SORCS3: variants seen among roughly 807,000 people sequenced by gnomAD.
SORCS3 encodes sortilin related VPS10 domain containing receptor 3.
SORCS3 carries 57 observed loss-of-function variants against 146.3 expected under a neutral mutation model. The observed-to-expected ratio is 0.39, with a 90% CI of 0.31 to 0.49. The LOEUF (loss-of-function observed/expected upper bound fraction) is 0.49, where lower values mean the gene tolerates loss of function less well. Ranked by LOEUF, SORCS3 falls within the 20% of genes least tolerant of loss-of-function variation. SORCS3 has a pLI of 0.92. For missense variants in SORCS3, 1,341 were observed against 1,575.5 expected (o/e 0.85, Z 2.52); for synonymous variants, 653 against 618.5 (o/e 1.06, Z -0.83).
At chr10:104,805,176 A>G (rs2017667230) in intron 1 of SORCS3, among the ~76,000 whole-genome samples, 1 of 152,214 alleles carries the variant, frequency 6.6e-6, no homozygotes, top group African/African-American at 2.4e-5. Context: ...AGACATGTAC[A>G]CAAATAACTA....
At chr10:105,173,614 T>TTATCACA (rs2056377725) in intron 13 of SORCS3, among the ~76,000 whole-genome samples, 3 of 152,362 alleles carry the variant, frequency 2.0e-5, no homozygotes, top group Admixed American at 1.3e-4. Flanking sequence ...CTTTGGGTGT[T>TTATCACA]GACAATCCGT....
At chr10:105,039,451 CTTTTT>C (rs920662213) in intron 4 of SORCS3, among the ~76,000 whole-genome samples, 1 of 96,548 alleles carries the variant, frequency 1.0e-5, no homozygotes, top group African/African-American at 4.2e-5. Flanking sequence ...CTCTCGCTCT[CTTTTT>C]TTTTTTTTTT....
At chr10:105,215,822 C>T (rs1020495929) in intron 18 of SORCS3, among the ~76,000 whole-genome samples, 1 of 152,130 alleles carries the variant, frequency 6.6e-6, no homozygotes, top group African/African-American at 2.4e-5. Context: ...ATTCACTGGG[C>T]AGAAGGATTG....
chr10:105,012,426 G>T lies in SORCS3; in HGVS notation c.955-30629G>T, dbSNP rs535698402. On this transcript the variant is annotated intron_variant, in intron 4 of 26. Transcript: ENST00000369701. ...CAAGGTCTTGCCATTTTTTTTTCCT[G>T]GTGAATGTTCTCTTGTCCTGAAGTT... Among the ~76,000 whole-genome samples the T allele has an allele frequency of 2.2e-3, 331 of 151,888 alleles. 2 individuals carry two copies. The highest frequency in any genetic ancestry group is 7.5e-3 in the African/African-American group (310 of 41,470).
chr10:104,913,801 C>T (rs997969606), intron 2 of SORCS3, among the ~76,000 whole-genome samples: 1 of 127,334 alleles, frequency 7.9e-6, no homozygotes, highest in Non-Finnish European at 1.6e-5. Flanking sequence ...GAGACGGAGT[C>T]TCACTGTCAC....
chr10:104,738,757 A>G (rs549423504), intron 1 of SORCS3, among the ~76,000 whole-genome samples: 248 of 152,310 alleles, frequency 1.6e-3, no homozygotes, highest in Middle Eastern at 3.4e-3. Context: ...AGAACAATTC[A>G]TTGTTGAGAA....
At chr10:104,809,535 A>T (rs2017717757) in intron 1 of SORCS3, among the ~76,000 whole-genome samples, 1 of 152,212 alleles carries the variant, frequency 6.6e-6, no homozygotes, top group Non-Finnish European at 1.5e-5. Context: ...CAAAACAAGT[A>T]AAACGCCAAC....
At chr10:104,750,858 C>T (rs531992687) in intron 1 of SORCS3, among the ~76,000 whole-genome samples, 42 of 151,868 alleles carry the variant, frequency 2.8e-4, no homozygotes, top group Non-Finnish European at 5.0e-4. Context: ...ATACAATAAG[C>T]AAAAAAACTC....
At chr10:105,065,439 C>T (rs2055516579) in intron 5 of SORCS3, among the ~76,000 whole-genome samples, 1 of 151,792 alleles carries the variant, frequency 6.6e-6, no homozygotes, top group South Asian at 2.1e-4. Flanking sequence ...ATGAATTCAT[C>T]CCAGGTAACT....
In SORCS3 at chr10:105,242,694, A is replaced by G. The variant is rs1342348119; in HGVS notation, c.2869-2848A>G. ...TTTATATATATTTATATACATTTAT[A>G]TACATTTATATATTTATATATTTAT... On this transcript the variant is annotated intron_variant, in intron 20 of 26. Transcript: ENST00000369701. Among the ~76,000 whole-genome samples the G allele has an allele frequency of 3.8e-5, 4 of 104,716 alleles. No homozygotes were observed. In the East Asian group the frequency reaches 1.3e-3, roughly 33 times the overall value. 68.7% of individuals were successfully genotyped at this position (104,716 alleles called of 152,430 possible). A position where few individuals can be genotyped will look rare whatever the true frequency, so the allele number is the denominator to read the frequency against.
intron 4 of SORCS3, among the ~76,000 whole-genome samples, chr10:105,000,883 T>G (rs2055057015): frequency 6.6e-6 from 1 of 152,188 alleles, no homozygotes; most frequent in Non-Finnish European, 1.5e-5. Context: ...CACCCATCAG[T>G]TCCCAGAACT....
At chr10:104,687,182 C>T (rs942334693) in intron 1 of SORCS3, among the ~76,000 whole-genome samples, 1 of 152,244 alleles carries the variant, frequency 6.6e-6, no homozygotes, top group Non-Finnish European at 1.5e-5. Context: ...CTTACATCCC[C>T]TGTCCACCAA....
chr10:104,990,435 ACT>A (rs1410625776), intron 4 of SORCS3, among the ~76,000 whole-genome samples: 2 of 151,302 alleles, frequency 1.3e-5, no homozygotes, highest in Non-Finnish European at 2.9e-5. Context: ...TCCTGGGGAG[ACT>A]CTAACCAGTT....
intron 17 of SORCS3, among the ~76,000 whole-genome samples, chr10:105,212,662 A>G (rs889683175): frequency 2.0e-5 from 3 of 152,214 alleles, no homozygotes; most frequent in Admixed American, 6.5e-5. Context: ...CAAATATGCT[A>G]CAGATGTCTA....
At chr10:105,018,794 T>G (rs1366762683) in intron 4 of SORCS3, among the ~76,000 whole-genome samples, 1 of 150,322 alleles carries the variant, frequency 6.7e-6, no homozygotes, top group Non-Finnish European at 1.5e-5. Flanking sequence ...TCTAAGTGAA[T>G]CTCTCTCTCA....
chr10:104,683,801 A>G (rs1167068915), intron 1 of SORCS3, among the ~76,000 whole-genome samples: 3 of 152,184 alleles, frequency 2.0e-5, no homozygotes, highest in African/African-American at 7.2e-5. Context: ...TTGTCCAGCC[A>G]AACAAACAAT....
intron 4 of SORCS3, among the ~76,000 whole-genome samples, chr10:105,016,156 T>TATATATATATATATATA (rs1554868994): frequency 2.1e-4 from 16 of 74,832 alleles, no homozygotes; most frequent in African/African-American, 5.7e-4. Context: ...TATATATATA[T>TATATATATATATATATA]TTTTTTTTTT....
intron 12 of SORCS3, among the ~76,000 whole-genome samples, chr10:105,166,438 T>G (rs960618491): frequency 1.2e-4 from 19 of 152,182 alleles, no homozygotes; most frequent in Admixed American, 6.5e-5. Context: ...GTTTTCCTGT[T>G]TAAGGTTGGA....
At chr10:105,100,067 A>G (rs952429594) in intron 6 of SORCS3, among the ~76,000 whole-genome samples, 3 of 152,138 alleles carry the variant, frequency 2.0e-5, no homozygotes, top group African/African-American at 7.2e-5. Flanking sequence ...GAAGACATGG[A>G]TGCTGGCTCC....
Sources: allele counts gnomAD v4.1 joint callset (sites outside exome capture counted in the v4.1 genomes callset), GRCh38; gene constraint gnomAD v4.1.1; transcripts MANE v1.5; gene names NCBI Gene and HGNC (gene_info 2026-07-23, HGNC 2026-07-21).